The following ROBO2 variants were observed in gnomAD, a reference collection of about 807,000 sequenced individuals.
The protein encoded by ROBO2 is roundabout homolog 2.
Under a neutral mutation model 160.8 loss-of-function variants are expected in ROBO2, and 53 were observed. That is an observed-to-expected ratio of 0.33 (90% CI 0.26 to 0.41). The LOEUF is 0.41. Ranked by LOEUF, ROBO2 falls within the 10% of genes least tolerant of loss-of-function variation. ROBO2 has a pLI of 1.00. For synonymous variants in ROBO2, 664 were observed against 611.7 expected, an observed-to-expected ratio of 1.09 and a Z score of -1.26; for missense variants, 1,577 against 1,722.4, an observed-to-expected ratio of 0.92 and a Z score of 1.49.
intron 2 of ROBO2, among the ~76,000 whole-genome samples, chr3:76,348,082 A>G (rs1348309862): frequency 1.4e-5 from 2 of 142,674 alleles, no homozygotes; most frequent in Non-Finnish European, 2.9e-5. Context: ...TCACACAGTC[A>G]GTATCAGTCT....
rs146085527 is a variant in ROBO2 at position 75,972,870 on chromosome 3, C to T, written c.109+35268C>T. On this transcript the variant is annotated intron_variant, in intron 2 of 26. Transcript: ENST00000487694. Reference sequence around the variant, plus strand: ...CAGTCTGGCACTGACTGTGGTAGCCCGTTAAGTGTGGCTCCTGCAGGACCA... The same window carrying T: ...CAGTCTGGCACTGACTGTGGTAGCCTGTTAAGTGTGGCTCCTGCAGGACCA... 5.3e-5 allele frequency among the ~76,000 whole-genome samples: 8 copies of T among 151,650 alleles called. No homozygotes were observed. The East Asian group carries it at 9.8e-4, about 19-fold the overall frequency.
In ROBO2 at chr3:76,799,049, C is replaced by G. The variant is rs2063993384; in HGVS notation, c.110-298965C>G. Among the ~76,000 whole-genome samples the G allele has an allele frequency of 2.0e-5, 3 of 151,958 alleles. No individual in the cohort carries two copies. The Middle Eastern group carries it at 0.01, about 517-fold the overall frequency. On this transcript the variant is annotated intron_variant, in intron 2 of 26. Coordinates refer to the ROBO2 transcript ENST00000487694. Reference sequence around the variant, plus strand: ...CTAACATGGTGAAACCCCGTCTCTACTAAAAATACAAAAAATTAGCTGGGC... The same window carrying G: ...CTAACATGGTGAAACCCCGTCTCTAGTAAAAATACAAAAAATTAGCTGGGC...
intron 2 of ROBO2, among the ~76,000 whole-genome samples, chr3:76,386,517 G>T (rs2076898433): frequency 6.6e-6 from 1 of 151,856 alleles, no homozygotes; most frequent in Non-Finnish European, 1.5e-5. Context: ...CTTTTTTAAG[G>T]GTTTTTTAGG....
At chr3:76,948,906 ATATTTTTTTTTT>A (rs1176937254) in intron 2 of ROBO2, among the ~76,000 whole-genome samples, 9 of 20,856 alleles carry the variant, frequency 4.3e-4, no homozygotes, top group East Asian at 1.7e-3. Flanking sequence ...ATATATATAT[ATATTTTTTTTTT>A]TTTTTTTTTT....
intron 2 of ROBO2, among the ~76,000 whole-genome samples, chr3:77,126,747 G>A (rs2075352371): frequency 6.8e-6 from 1 of 146,562 alleles, no homozygotes; most frequent in Non-Finnish European, 1.5e-5. Flanking sequence ...AAGTCTTTGT[G>A]GGATATATTT....
intron 2 of ROBO2, among the ~76,000 whole-genome samples, chr3:76,323,492 A>C (rs1442956385): frequency 6.6e-6 from 1 of 152,208 alleles, no homozygotes; most frequent in Non-Finnish European, 1.5e-5. Context: ...TTTAAAATAA[A>C]GACAAATGAG....
intron 2 of ROBO2, among the ~76,000 whole-genome samples, chr3:77,000,997 C>T (rs755462976): frequency 2.0e-5 from 3 of 152,050 alleles, no homozygotes; most frequent in African/African-American, 4.8e-5. Context: ...TTAAGAGCCA[C>T]GGTGACGTTT....
At chr3:77,249,292 A>G (rs2090090086) in intron 2 of ROBO2, among the ~76,000 whole-genome samples, 1 of 152,216 alleles carries the variant, frequency 6.6e-6, no homozygotes, top group Non-Finnish European at 1.5e-5. Flanking sequence ...CTCTGTATAT[A>G]TATTTTTTAC....
intron 2 of ROBO2, among the ~76,000 whole-genome samples, chr3:77,460,480 G>T (rs575122454): frequency 1.3e-5 from 2 of 152,080 alleles, no homozygotes; most frequent in Non-Finnish European, 2.9e-5. Flanking sequence ...ACCAGCAGGG[G>T]TTCACTCAGA....
intron 2 of ROBO2, among the ~76,000 whole-genome samples, chr3:76,680,157 A>G (rs2092518444): frequency 6.6e-6 from 1 of 152,150 alleles, no homozygotes; most frequent in Non-Finnish European, 1.5e-5. Context: ...AAACAAATCT[A>G]TTGGACTTGA....
chr3:77,273,880 A>C (rs2059656698), intron 2 of ROBO2, among the ~76,000 whole-genome samples: 1 of 152,134 alleles, frequency 6.6e-6, no homozygotes, highest in South Asian at 2.1e-4. Context: ...GACTCATCCA[A>C]TCTTTTCTAA....
chr3:77,649,312 A>T (rs796591802), exon 26 of ROBO2: 87 of 152,316 alleles, frequency 5.7e-4, no homozygotes, highest in African/African-American at 2.0e-3. Context: ...TGTTTTCAAC[A>T]GGATTTGAGT....
chr3:76,133,286 A>G (rs1318877414), intron 2 of ROBO2, among the ~76,000 whole-genome samples: 1 of 152,026 alleles, frequency 6.6e-6, no homozygotes, highest in African/African-American at 2.4e-5. Context: ...TTTGGATTGT[A>G]TTCTTCCCAA....
Position 76,578,041 on chromosome 3 carries a change from A to G in ROBO2, c.110-519973A>G, listed in dbSNP as rs2085417926. Among the ~76,000 whole-genome samples, 3 of 152,186 alleles carry G rather than the reference A, an allele frequency of 2.0e-5. No homozygotes were observed. The South Asian group carries it at 6.2e-4, about 32-fold the overall frequency. ...TACAAAACTAGTGTTTTGCCAATTAATAAGAGCAAAGAAAAGAGTCAGGTT... is the reference window on the plus strand; with the variant it reads ...TACAAAACTAGTGTTTTGCCAATTAGTAAGAGCAAAGAAAAGAGTCAGGTT... On this transcript the variant is annotated intron_variant, in intron 2 of 26. Coordinates refer to the ROBO2 transcript ENST00000487694.
At chr3:76,210,128 C>T (rs1703052564) in intron 2 of ROBO2, among the ~76,000 whole-genome samples, 1 of 151,950 alleles carries the variant, frequency 6.6e-6, no homozygotes, top group South Asian at 2.1e-4. Context: ...AAGAACTCTC[C>T]CTTCTAATAT....
At chr3:76,567,566 A>G (rs1010024386) in intron 2 of ROBO2, among the ~76,000 whole-genome samples, 18 of 144,352 alleles carry the variant, frequency 1.2e-4, no homozygotes, top group Non-Finnish European at 4.5e-5. Context: ...ACTGCTACAT[A>G]GGAAGAAAAG....
At chr3:75,957,293 TTC>T (rs1482855102) in intron 2 of ROBO2, among the ~76,000 whole-genome samples, 1 of 150,850 alleles carries the variant, frequency 6.6e-6, no homozygotes, top group Non-Finnish European at 1.5e-5. Flanking sequence ...TTCATTTGGT[TTC>T]TTTGTTCCTA....
intron 1 of ROBO2, among the ~76,000 whole-genome samples, chr3:75,936,523 T>C (rs1191799140): frequency 1.3e-5 from 2 of 152,172 alleles, no homozygotes; most frequent in Non-Finnish European, 2.9e-5. Flanking sequence ...GTGTTTATCA[T>C]TCTTATGCAT....
chr3:76,690,595 GT>G (rs1422030089), intron 2 of ROBO2, among the ~76,000 whole-genome samples: 1 of 151,896 alleles, frequency 6.6e-6, no homozygotes, highest in Non-Finnish European at 1.5e-5. Context: ...TAAGTATTTT[GT>G]TACAGCAACA....
Sources: gnomAD v4.1 joint callset for allele counts (sites outside exome capture counted in the v4.1 genomes callset) on GRCh38, gnomAD v4.1.1 for gene constraint, MANE v1.5 for transcripts, NCBI Gene and HGNC (gene_info 2026-07-23, HGNC 2026-07-21) for gene names.